Variants in DPYD observed in about 807,000 individuals in gnomAD.
DPYD encodes dihydropyrimidine dehydrogenase [NADP(+)].
Under a neutral mutation model 116.2 loss-of-function variants are expected in DPYD, and 109 were observed. That is an observed-to-expected ratio of 0.94 (90% CI 0.80 to 1.10). The LOEUF is 1.10. Ranked by LOEUF, DPYD falls within the 50% of genes least tolerant of loss-of-function variation. The pLI is 0.00. For synonymous variants in DPYD, 440 were observed against 432.0 expected (o/e 1.02, Z -0.23); for missense variants, 1,302 against 1,254.5 (o/e 1.04, Z -0.57).
intron 3 of DPYD, among the ~76,000 whole-genome samples, chr1:97,777,050 A>G (rs1422925869): frequency 2.6e-5 from 4 of 152,216 alleles, no homozygotes. Flanking sequence ...TACTATAGGA[A>G]GTGTGGATAT....
chr1:97,690,410 G>A (rs191543524), intron 7 of DPYD, among the ~76,000 whole-genome samples: 12 of 151,922 alleles, frequency 7.9e-5, no homozygotes, highest in Admixed American at 7.9e-4. Context: ...GATAAATGGA[G>A]AAATAAAGCC....
At chr1:97,225,003 G>GTCTGTCTATCTATCTA (rs906853969) in intron 19 of DPYD, among the ~76,000 whole-genome samples, 3 of 127,062 alleles carry the variant, frequency 2.4e-5, no homozygotes, top group Non-Finnish European at 4.9e-5. Flanking sequence ...CTGTCTGTCT[G>GTCTGTCTATCTATCTA]TCTATCTATC....
intron 12 of DPYD, among the ~76,000 whole-genome samples, chr1:97,548,942 T>C (rs1258938310): frequency 1.3e-5 from 2 of 152,108 alleles, no homozygotes; most frequent in African/African-American, 2.4e-5. Flanking sequence ...TCCTATAATA[T>C]TGTATACCAT....
intron 2 of DPYD, among the ~76,000 whole-genome samples, chr1:97,837,313 T>C (rs1376547984): frequency 6.6e-6 from 1 of 152,170 alleles, no homozygotes; most frequent in East Asian, 1.9e-4. Context: ...ACTGTCTAAA[T>C]GATATTCACA....
Position 97,634,662 on chromosome 1 carries a change from G to T in DPYD, c.851-39496C>A, listed in dbSNP as rs189870538. On this transcript the variant is annotated intron_variant, in intron 8 of 22. Transcript: ENST00000370192. The stretch of plus-strand genomic sequence containing the variant: ...GTGGAAGATACAAAATATAACAACA[G>T]ATGTCTTATAAGCACCAAAGAATAA... Among the ~76,000 whole-genome samples, 3 of 152,102 alleles carry T rather than the reference G, an allele frequency of 2.0e-5. No individual in the cohort carries two copies. In the East Asian group the frequency reaches 5.8e-4, roughly 29 times the overall value.
At chr1:97,596,414 T>A (rs1654888593) in intron 8 of DPYD, among the ~76,000 whole-genome samples, 1 of 152,128 alleles carries the variant, frequency 6.6e-6, no homozygotes, top group African/African-American at 2.4e-5. Flanking sequence ...TACCAAAACT[T>A]TGAAAGGAAA....
At chr1:97,764,726 T>C (rs1665754541) in intron 3 of DPYD, among the ~76,000 whole-genome samples, 1 of 152,114 alleles carries the variant, frequency 6.6e-6, no homozygotes. Flanking sequence ...AATGCTGATT[T>C]ATAAATAGCT....
At chr1:97,583,639 G>C (rs1051291702) in intron 10 of DPYD, among the ~76,000 whole-genome samples, 9 of 133,798 alleles carry the variant, frequency 6.7e-5, no homozygotes, top group African/African-American at 1.1e-4. Flanking sequence ...TATATTGCTT[G>C]CTCGTATTTC....
chr1:97,814,930 G>GAAAGAA (rs1553245539), intron 3 of DPYD, among the ~76,000 whole-genome samples: 41,270 of 109,198 alleles, frequency 0.38, 9,059 homozygotes, highest in African/African-American at 0.53. Context: ...AAGAAAGAGA[G>GAAAGAA]AGGAAAGAAA....
chr1:97,605,117 A>C (rs1485638654), intron 8 of DPYD, among the ~76,000 whole-genome samples: 2 of 152,124 alleles, frequency 1.3e-5, no homozygotes, highest in African/African-American at 4.8e-5. Context: ...CACATCTAAC[A>C]ATCACTACAT....
chr1:97,908,153 C>T (rs1673738998), intron 1 of DPYD, among the ~76,000 whole-genome samples: 1 of 151,952 alleles, frequency 6.6e-6, no homozygotes, highest in Admixed American at 6.6e-5. Flanking sequence ...TCAAGCAATC[C>T]TCCCGCCTCA....
chr1:97,099,526 T>A (rs1003978761), intron 20 of DPYD, among the ~76,000 whole-genome samples: 1 of 152,144 alleles, frequency 6.6e-6, no homozygotes, highest in African/African-American at 2.4e-5. Flanking sequence ...TCTTCACTTT[T>A]ACTGACACAT....
chr1:97,852,112 A>T (rs1212569979), intron 2 of DPYD, among the ~76,000 whole-genome samples: 1 of 152,088 alleles, frequency 6.6e-6, no homozygotes, highest in Non-Finnish European at 1.5e-5. Context: ...AAATTAAGCC[A>T]TTCAAGCATT....
In DPYD at chr1:97,286,799, G is replaced by T. The variant is rs548470327; in HGVS notation, c.2299+18460C>A. ...CTCCTTTAAGCACTTCTCTGTATTGGTTATTCTAGTTATACATTCGTCTAA... is the reference window on the plus strand; with the variant it reads ...CTCCTTTAAGCACTTCTCTGTATTGTTTATTCTAGTTATACATTCGTCTAA... On this transcript the variant is annotated intron_variant, in intron 18 of 22. Transcript: ENST00000370192. 3.9e-5 allele frequency among the ~76,000 whole-genome samples: 6 copies of T among 152,228 alleles called. No individual in the cohort carries two copies. In the East Asian group the frequency reaches 1.2e-3, roughly 29 times the overall value.
At chr1:97,788,427 G>C (rs1220158234) in intron 3 of DPYD, among the ~76,000 whole-genome samples, 1 of 152,184 alleles carries the variant, frequency 6.6e-6, no homozygotes, top group Non-Finnish European at 1.5e-5. Context: ...CTGACGATCA[G>C]TACCAACTGT....
intron 4 of DPYD, among the ~76,000 whole-genome samples, chr1:97,731,532 C>A (rs1263703600): frequency 6.6e-6 from 1 of 151,958 alleles, no homozygotes; most frequent in African/African-American, 2.4e-5. Context: ...ATGTTCCAGC[C>A]TTTTATATTT....
intron 20 of DPYD, among the ~76,000 whole-genome samples, chr1:97,153,672 C>T (rs949131345): frequency 6.6e-6 from 1 of 152,064 alleles, no homozygotes; most frequent in Non-Finnish European, 1.5e-5. Flanking sequence ...CTAAAAACTT[C>T]CTGTATAGCA....
chr1:97,118,198 G>A (rs1054326716), intron 20 of DPYD, among the ~76,000 whole-genome samples: 2 of 151,852 alleles, frequency 1.3e-5, no homozygotes, highest in Non-Finnish European at 2.9e-5. Flanking sequence ...GCTGATGCAA[G>A]GGGGAAGTGA....
At chr1:97,288,216 G>C (rs1665868142) in intron 18 of DPYD, among the ~76,000 whole-genome samples, 2 of 149,732 alleles carry the variant, frequency 1.3e-5, no homozygotes, top group Admixed American at 1.3e-4. Context: ...AAGAGACTTA[G>C]ACTCCCACAC....
Sources: gnomAD v4.1 joint callset for allele counts (sites outside exome capture counted in the v4.1 genomes callset) on GRCh38, gnomAD v4.1.1 for gene constraint, MANE v1.5 for transcripts, NCBI Gene and HGNC (gene_info 2026-07-23, HGNC 2026-07-21) for gene names.